Variants in FSTL5 observed in about 807,000 individuals in gnomAD.
The protein encoded by FSTL5 is follistatin like 5, also known as follistatin-related protein 5.
In FSTL5, 62 loss-of-function variants were observed where a neutral mutation model predicts 89.1. The observed-to-expected ratio is 0.70, with a 90% CI of 0.57 to 0.86. The LOEUF is 0.86. Among genes scored for constraint, FSTL5 ranks in the 40% least tolerant of loss-of-function variants. The pLI, the probability that FSTL5 is intolerant of heterozygous loss-of-function variation, is 0.00. For missense variants in FSTL5, 1,057 were observed against 1,001.6 expected (o/e 1.06, Z -0.75); for synonymous variants, 383 against 346.2 (o/e 1.11, Z -1.18).
chr4:161,455,961 C>T (rs1733338537), intron 14 of FSTL5, among the ~76,000 whole-genome samples: 1 of 152,146 alleles, frequency 6.6e-6, no homozygotes, highest in Non-Finnish European at 1.5e-5. Flanking sequence ...ACTAAAACTT[C>T]TCCTTTGGTT....
intron 2 of FSTL5, among the ~76,000 whole-genome samples, chr4:162,101,268 T>C (rs536320531): frequency 2.6e-5 from 4 of 152,336 alleles, no homozygotes; most frequent in Admixed American, 1.3e-4. Flanking sequence ...AGTAAATTCA[T>C]TGGAGATGTT....
At chr4:162,007,870 C>A (rs1736655429) in intron 3 of FSTL5, among the ~76,000 whole-genome samples, 1 of 151,670 alleles carries the variant, frequency 6.6e-6, no homozygotes, top group African/African-American at 2.4e-5. Flanking sequence ...TTACATTATT[C>A]ATATATATAC....
chr4:161,639,495 AT>A (rs1264858870), intron 7 of FSTL5, among the ~76,000 whole-genome samples: 1 of 152,166 alleles, frequency 6.6e-6, no homozygotes, highest in Non-Finnish European at 1.5e-5. Context: ...ATAAATTATT[AT>A]TGCAATTACA....
intron 15 of FSTL5, among the ~76,000 whole-genome samples, chr4:161,449,655 C>G (rs1733086059): frequency 6.6e-6 from 1 of 151,996 alleles, no homozygotes; most frequent in Non-Finnish European, 1.5e-5. Context: ...TAGTTGAACT[C>G]TAACTGGGAG....
intron 4 of FSTL5, among the ~76,000 whole-genome samples, chr4:161,826,680 G>T (rs766738486): frequency 9.1e-4 from 138 of 152,202 alleles, no homozygotes; most frequent in Non-Finnish European, 1.7e-3. Context: ...TTGCTTTGAA[G>T]TTTGTTTTGT....
At chr4:161,894,571 T>C (rs186080553) in intron 4 of FSTL5, among the ~76,000 whole-genome samples, 1 of 152,268 alleles carries the variant, frequency 6.6e-6, no homozygotes, top group East Asian at 1.9e-4. Flanking sequence ...AACTTCCACC[T>C]CCCAGGTTCA....
chr4:161,892,907 A>G (rs1364423231), intron 4 of FSTL5, among the ~76,000 whole-genome samples: 2 of 152,116 alleles, frequency 1.3e-5, no homozygotes, highest in Admixed American at 6.5e-5. Context: ...CATTTCAAAA[A>G]TATTTGCCAT....
chr4:161,785,581 C>T (rs765952620), intron 4 of FSTL5, among the ~76,000 whole-genome samples: 11 of 152,028 alleles, frequency 7.2e-5, no homozygotes, highest in Non-Finnish European at 5.9e-5. Context: ...GTTTGATAAA[C>T]GACAGTCATA....
intron 2 of FSTL5, among the ~76,000 whole-genome samples, chr4:162,092,220 C>T (rs1161768196): frequency 2.6e-5 from 4 of 152,084 alleles, no homozygotes; most frequent in Admixed American, 1.3e-4. Flanking sequence ...TACCAGGCAT[C>T]TGCATGTTTA....
intron 3 of FSTL5, among the ~76,000 whole-genome samples, chr4:161,948,702 C>A: frequency 6.6e-6 from 1 of 151,942 alleles, no homozygotes; most frequent in Non-Finnish European, 1.5e-5. Flanking sequence ...CCCGCCTTGG[C>A]CTCCCAAAGT....
At chr4:162,110,465 C>G (rs993180363) in intron 2 of FSTL5, among the ~76,000 whole-genome samples, 1 of 151,578 alleles carries the variant, frequency 6.6e-6, no homozygotes, top group Non-Finnish European at 1.5e-5. Context: ...GAAAAAAAAT[C>G]TATTTGTTTA....
chr4:161,638,105 G>A (rs1433860638), intron 7 of FSTL5, among the ~76,000 whole-genome samples: 4 of 142,904 alleles, frequency 2.8e-5, no homozygotes, highest in Admixed American at 7.1e-5. Flanking sequence ...AGCATGGAAT[G>A]TTCTTCCATT....
chr4:161,911,562 C>T (rs1733693341), intron 4 of FSTL5, among the ~76,000 whole-genome samples: 1 of 152,014 alleles, frequency 6.6e-6, no homozygotes, highest in Admixed American at 6.6e-5. Flanking sequence ...TGACTAAAGG[C>T]ACTTAAAGAA....
chr4:161,603,177 A>G (rs1734311247), intron 7 of FSTL5, among the ~76,000 whole-genome samples: 1 of 152,174 alleles, frequency 6.6e-6, no homozygotes, highest in Non-Finnish European at 1.5e-5. Flanking sequence ...ACACACACAC[A>G]TTGGCGTACC....
chr4:161,414,394 A>G (rs968310091), intron 15 of FSTL5, among the ~76,000 whole-genome samples: 11 of 152,182 alleles, frequency 7.2e-5, no homozygotes, highest in African/African-American at 2.4e-4. Context: ...ATAAAACGAG[A>G]CAAAATATTA....
At chr4:161,496,267 A>G (rs949917008) in intron 12 of FSTL5, among the ~76,000 whole-genome samples, 4 of 152,150 alleles carry the variant, frequency 2.6e-5, no homozygotes, top group South Asian at 4.1e-4. Flanking sequence ...ATCAAACTTA[A>G]TCCTTGACTA....
chr4:161,694,286 C>T (rs1738057466), intron 6 of FSTL5, among the ~76,000 whole-genome samples: 1 of 152,028 alleles, frequency 6.6e-6, no homozygotes. Flanking sequence ...TTCTGCAATT[C>T]CTATAAATCT....
At chr4:162,075,716 T>G (rs191348903) in intron 2 of FSTL5, among the ~76,000 whole-genome samples, 1 of 151,984 alleles carries the variant, frequency 6.6e-6, no homozygotes, top group East Asian at 1.9e-4. Context: ...TTTTTTCCTT[T>G]GAGATAATGT....
At chr4:161,426,670 C>T (rs1362470500) in intron 15 of FSTL5, among the ~76,000 whole-genome samples, 1 of 152,168 alleles carries the variant, frequency 6.6e-6, no homozygotes, top group African/African-American at 2.4e-5. Context: ...TGGCTCACTG[C>T]AACCTCTGCC....
Sources: gnomAD v4.1 joint callset for allele counts (sites outside exome capture counted in the v4.1 genomes callset) on GRCh38, gnomAD v4.1.1 for gene constraint, MANE v1.5 for transcripts, NCBI Gene and HGNC (gene_info 2026-07-23, HGNC 2026-07-21) for gene names.